ZNF197: variants seen among roughly 807,000 people sequenced by gnomAD.
The protein encoded by ZNF197 is VHL-associated KRAB-A domain-containing protein.
Under a neutral mutation model 27.4 loss-of-function variants are expected in ZNF197, and 14 were observed. The ratio of observed to expected loss-of-function variants is 0.51; its 90% confidence interval spans 0.34 to 0.80. The LOEUF is 0.80. Among genes scored for constraint, ZNF197 ranks in the 30% least tolerant of loss-of-function variants. ZNF197 has a pLI of 0.02. For missense variants in ZNF197, 1,090 were observed against 1,222.6 expected, an observed-to-expected ratio of 0.89 and a Z score of 1.62; for synonymous variants, 415 against 420.0, an observed-to-expected ratio of 0.99 and a Z score of 0.15.
At position 44,644,915 on chromosome 3, in the gene ZNF197, T is replaced by C. The variant is rs879694807; in HGVS notation, c.*695T>C. On this transcript the variant is annotated 3_prime_UTR_variant, in exon 6 of 6. Transcript: ENST00000344387. ...TTTAATAATAAAAAGTGGACATTGT[T>C]TTTTAAAATGTGTATAGTATGCATT... 254 of 984,046 alleles carry C rather than the reference T, an allele frequency of 2.6e-4. No individual in the cohort carries two copies. Among genetic ancestry groups the C allele is most frequent in the Non-Finnish European group, 3.0e-4 (248 of 828,798 alleles). 61.0% of individuals were successfully genotyped at this position (984,046 alleles called of 1,614,324 possible).
chr3:44,645,974 A>C lies in ZNF197; in HGVS notation c.*1754A>C. 1 of 985,444 alleles carries C rather than the reference A, an allele frequency of 1.0e-6. No individual in the cohort carries two copies. The highest frequency in any genetic ancestry group is 1.2e-6 in the Non-Finnish European group (1 of 829,924). The allele number at this position is 985,444 out of a possible 1,614,324, so 61.0% of individuals were successfully genotyped here. ...GTAGCTGGACTATGAATAATACCTG[A>C]ATATGAAGATTGTGTTTTTTAATAA... On this transcript the variant is annotated 3_prime_UTR_variant, in exon 6 of 6. Transcript: ENST00000344387.
At chr3:44,627,830 C>CA (rs536166949) in intron 1 of ZNF197, among the ~76,000 whole-genome samples, 2,203 of 85,192 alleles carry the variant, frequency 0.026, 25 homozygotes, top group Admixed American at 0.04. Context: ...GACTCCATCT[C>CA]AAAAAAAAAA....
chr3:44,644,098 G>A lies in ZNF197; in HGVS notation c.2968G>A (p.Val990Met). 1 of 1,614,130 alleles carries A rather than the reference G, an allele frequency of 6.2e-7. No individual in the cohort carries two copies. Among genetic ancestry groups the A allele is most frequent in the Non-Finnish European group, 8.5e-7 (1 of 1,180,016 alleles). ...AGATGAAAAACCTTGTGAATGTGAT[G>A]TGTCTGAAAAAGAATTCTCTCAGAC... is the stretch of plus-strand genomic sequence containing the variant. ...HTDEKPCECDVSEKEFSQTSN... is the reference protein window; with the variant it reads ...HTDEKPCECDMSEKEFSQTSN... The change falls in exon 6 of 6, where the codon GTG becomes ATG. Residue 990 changes from valine to methionine, a missense_variant. By Grantham distance (21) the Val-to-Met change is conservative. Coordinates refer to ENST00000344387, the MANE Select transcript of ZNF197 (RefSeq NM_006991.5).
At position 44,632,109 on chromosome 3, in the gene ZNF197, T is replaced by C; in HGVS notation, c.555T>C (p.Ser185=). The change falls in exon 4 of 6, where the codon TCT becomes TCC. Residue 185 remains serine (S), a synonymous_variant. Coordinates refer to ENST00000344387, the MANE Select transcript of ZNF197 (RefSeq NM_006991.5). ...CAGCTTTTTCTCCCTCCTCAGATTC[T>C]CCTGCCCCTGAAGCTTCTGCCCTTT... ...AFNLQDPQHD[S]PAPEASALSQ... 1 of 1,614,116 alleles carries C rather than the reference T, an allele frequency of 6.2e-7. No individual in the cohort carries two copies. The highest frequency in any genetic ancestry group is 8.5e-7 in the Non-Finnish European group (1 of 1,179,986).
Position 44,642,355 on chromosome 3 carries a change from C to T in ZNF197, c.1225C>T (p.Gln409Ter). The T allele has an allele frequency of 6.2e-7, 1 of 1,614,094 alleles. No individual in the cohort carries two copies. The highest frequency in any genetic ancestry group is 8.5e-7 in the Non-Finnish European group (1 of 1,180,016). Reference protein sequence around the residue: ...KCKECGKGFIQRSSLLMHLRN... With the variant: ...KCKECGKGFI ...TAAGGAATGTGGAAAAGGCTTTATT[C>T]AGCGTTCGAGCCTTCTAATGCATTT... Residue 409 changes from glutamine to a stop codon, truncating the protein, a stop_gained, in exon 6 of 6, where the codon CAG (glutamine) becomes TAG (stop). Coordinates refer to ENST00000344387, the MANE Select transcript of ZNF197 (RefSeq NM_006991.5). LOFTEE classifies it low-confidence loss of function (END_TRUNC).
chr3:44,645,245 CAAT>C lies in ZNF197; in HGVS notation c.*1028_*1030del. On this transcript the variant is annotated 3_prime_UTR_variant, in exon 6 of 6. Transcript: ENST00000344387. ...GTACTTTTTGAAATCATTCAGTTGTCAATAAAGTTGGATAAAAGAGGTTATGGT... is the reference window on the plus strand; with the variant it reads ...GTACTTTTTGAAATCATTCAGTTGTCAAAGTTGGATAAAAGAGGTTATGGT... The C allele has an allele frequency of 3.0e-6, 3 of 985,174 alleles. No individual in the cohort carries two copies. Among genetic ancestry groups the C allele is most frequent in the Non-Finnish European group, 3.6e-6 (3 of 829,856 alleles). 61.0% of individuals were successfully genotyped at this position (985,174 alleles called of 1,614,324 possible).
chr3:44,626,335 G>C (rs1458496083), intron 1 of ZNF197, among the ~76,000 whole-genome samples: 1 of 149,630 alleles, frequency 6.7e-6, no homozygotes, highest in Non-Finnish European at 1.5e-5. Flanking sequence ...CACCACTTAA[G>C]ACTCTCTTCA....
rs113245127 is a variant in ZNF197, at chr3:44,644,513, C to T, written c.*293C>T. The T allele has an allele frequency of 0.12, 101,197 of 815,448 alleles. 6,720 individuals are homozygous for T. Among genetic ancestry groups the T allele is most frequent in the Middle Eastern group, 0.17 (295 of 1,736 alleles). The allele number at this position is 815,448 out of a possible 1,614,324, so 50.5% of individuals were successfully genotyped here. ...ATTATCCGGGCATGGGGGCACACAC[C>T]GGTAATCCCAGCTACTCAGGAGGCT... On this transcript the variant is annotated 3_prime_UTR_variant, in exon 6 of 6. Coordinates refer to ENST00000344387, the MANE Select transcript of ZNF197 (RefSeq NM_006991.5).
Position 44,643,560 on chromosome 3 carries a change from A to C in ZNF197, c.2430A>C (p.Arg810Ser). The change falls in exon 6 of 6, where the codon AGA (arginine) becomes AGC (serine). Residue 810 changes from arginine to serine, a missense_variant. Physicochemically the swap from Arg to Ser is moderately radical, Grantham distance 110 (BLOSUM62 -1). Transcript: ENST00000344387. ...AGAAAAGCCTCATTGGACATCAGAG[A>C]ATTCACACGAGGGAAAAATCTTATA... ...ILKKSLIGHQ[R>S]IHTREKSYKC... 2 of 1,614,210 alleles carry C rather than the reference A, an allele frequency of 1.2e-6. No individual in the cohort carries two copies. The highest frequency in any genetic ancestry group is 1.3e-5 in the African/African-American group (1 of 75,052).
intron 2 of ZNF197, among the ~76,000 whole-genome samples, chr3:44,630,557 T>C (rs1244723414): frequency 6.6e-6 from 1 of 152,196 alleles, no homozygotes; most frequent in Admixed American, 6.5e-5. Flanking sequence ...TCGTTACAAA[T>C]TACTAATACA....
At position 44,629,137 on chromosome 3, in the gene ZNF197, C is replaced by CT; in HGVS notation, c.-13dup. 1 of 1,594,056 alleles carries CT rather than the reference C, an allele frequency of 6.3e-7. No homozygotes were observed. The highest frequency in any genetic ancestry group is 8.5e-7 in the Non-Finnish European group (1 of 1,172,836). ...AAGGAGACCTGGACTGGAGAGGAGCCTTTTTCAAAAAACAACAATGACAAG... is the reference window on the plus strand; with the variant it reads ...AAGGAGACCTGGACTGGAGAGGAGCCTTTTTTCAAAAAACAACAATGACAAG... On this transcript the variant is annotated 5_prime_UTR_variant, in exon 2 of 6. Coordinates refer to ENST00000344387, the MANE Select transcript of ZNF197 (RefSeq NM_006991.5).
chr3:44,636,304 CAAAAAAAAAA>C (rs1304837972), intron 5 of ZNF197, among the ~76,000 whole-genome samples: 1 of 77,282 alleles, frequency 1.3e-5, no homozygotes, highest in Non-Finnish European at 2.7e-5. Flanking sequence ...GACTCCGTCT[CAAAAAAAAAA>C]AAAAAAAAAA....
At chr3:44,626,313 A>C (rs865814593) in intron 1 of ZNF197, among the ~76,000 whole-genome samples, 2 of 152,006 alleles carry the variant, frequency 1.3e-5, no homozygotes, top group Admixed American at 6.6e-5. Flanking sequence ...TTTCTCACTA[A>C]TAGAGTCCTG....
At position 44,642,444 on chromosome 3, in the gene ZNF197, T is replaced by G; in HGVS notation, c.1314T>G (p.Ser438Arg). 6.2e-7 allele frequency: 1 copy of G among 1,614,030 alleles called. No individual in the cohort carries two copies. The highest frequency in any genetic ancestry group is 8.5e-7 in the Non-Finnish European group (1 of 1,179,986). The change falls in exon 6 of 6, where the codon AGT becomes AGG. Residue 438 changes from serine (S) to arginine (R), a missense_variant. Transcript: ENST00000344387. ...AATGTGGGAAAGCATTTTCTCAAAG[T>G]GCTTACCTTCTAAACCATCAGAGGA... is the stretch of plus-strand genomic sequence containing the variant. ...CNECGKAFSQ[S>R]AYLLNHQRIH...
intron 2 of ZNF197, chr3:44,630,860 G>T: frequency 2.8e-6 from 2 of 726,686 alleles, no homozygotes; most frequent in Non-Finnish European, 4.8e-6. Flanking sequence ...TCTGGGAGAG[G>T]TCACCAGTGC....
chr3:44,638,953 A>T (rs1009122630), intron 5 of ZNF197, among the ~76,000 whole-genome samples: 2 of 152,222 alleles, frequency 1.3e-5, no homozygotes, highest in Non-Finnish European at 2.9e-5. Context: ...GCCTCAAGCA[A>T]TCCACCTACC....
rs1336824731 is a variant in ZNF197 at position 44,644,806 on chromosome 3, G to A, written c.*586G>A. 5.1e-6 allele frequency: 5 copies of A among 983,186 alleles called. No individual in the cohort carries two copies. Among genetic ancestry groups the A allele is most frequent in the Non-Finnish European group, 6.0e-6 (5 of 827,904 alleles). The allele number at this position is 983,186 out of a possible 1,614,324, so 60.9% of individuals were successfully genotyped here. A position where few individuals can be genotyped will look rare whatever the true frequency, so the allele number is the denominator to read the frequency against. ...AGGCCGAGGTGGGAAGATCCCTTGA[G>A]CCCAGGAGTTCGAGACAAGCCTGGG... On this transcript the variant is annotated 3_prime_UTR_variant, in exon 6 of 6. Coordinates refer to ENST00000344387, the MANE Select transcript of ZNF197 (RefSeq NM_006991.5).
Position 44,643,635 on chromosome 3 carries a change from C to T in ZNF197, c.2505C>T (p.Ala835=). ...TCAGTTACCGCTCAAACCTTATAGCCCATCAGAGGATCCATACTGGTGAGA... is the reference window on the plus strand; with the variant it reads ...TCAGTTACCGCTCAAACCTTATAGCTCATCAGAGGATCCATACTGGTGAGA... ...KVFSYRSNLI[A]HQRIHTGEKP... The change falls in exon 6 of 6, where the codon GCC becomes GCT. Residue 835 remains alanine, a synonymous_variant. Transcript: ENST00000344387. The T allele has an allele frequency of 6.2e-7, 1 of 1,614,084 alleles. No individual in the cohort carries two copies.
Position 44,643,457 on chromosome 3 carries a change from A to G in ZNF197, c.2327A>G (p.Asn776Ser). The change falls in exon 6 of 6, where the codon AAC becomes AGC. Residue 776 changes from asparagine to serine, a missense_variant. Coordinates refer to ENST00000344387, the MANE Select transcript of ZNF197 (RefSeq NM_006991.5). ...GGAAGAGCTTTCAGTTCAAACAGAAACCTCATTGAGCATAAGAGAATCCAC... is the reference window on the plus strand; with the variant it reads ...GGAAGAGCTTTCAGTTCAAACAGAAGCCTCATTGAGCATAAGAGAATCCAC... Reference protein sequence around the residue: ...ECGRAFSSNRNLIEHKRIHSG... With the variant: ...ECGRAFSSNRSLIEHKRIHSG... 1.2e-6 allele frequency: 2 copies of G among 1,614,156 alleles called. No individual in the cohort carries two copies. The highest frequency in any genetic ancestry group is 1.7e-6 in the Non-Finnish European group (2 of 1,180,034).
Sources: allele counts gnomAD v4.1 joint callset (sites outside exome capture counted in the v4.1 genomes callset), GRCh38; gene constraint gnomAD v4.1.1; transcripts MANE v1.5; gene names NCBI Gene and HGNC (gene_info 2026-07-23, HGNC 2026-07-21).